Variants in TMEM9 observed in about 807,000 individuals in gnomAD.
TMEM9 encodes the protein transmembrane protein 9.
In TMEM9, 13 loss-of-function variants were observed where a neutral mutation model predicts 22.8. The ratio of observed to expected loss-of-function variants is 0.57; its 90% CI spans 0.37 to 0.91. The LOEUF is 0.91. Among genes scored for constraint, TMEM9 ranks in the 40% least tolerant of loss-of-function variants. The pLI is 0.01. For synonymous variants in TMEM9, 88 were observed against 93.0 expected (o/e 0.95, Z 0.31); for missense variants, 182 against 238.1 (o/e 0.76, Z 1.55).
chr1:201,146,525 G>A (rs1020428887), intron 3 of TMEM9: 1 of 655,906 alleles, frequency 1.5e-6, no homozygotes, highest in Non-Finnish European at 2.8e-6. Flanking sequence ...CCCTCTCACT[G>A]TAATGGTAAC....
chr1:201,152,581 T>C, intron 1 of TMEM9, among the ~76,000 whole-genome samples: 1 of 152,186 alleles, frequency 6.6e-6, no homozygotes, highest in East Asian at 1.9e-4. Flanking sequence ...GGGTCACCCT[T>C]AATAATGGAA....
chr1:201,146,591 C>T, intron 3 of TMEM9, 149 bp downstream of exon 3: 1 of 800,088 alleles, frequency 1.2e-6, no homozygotes, highest in Non-Finnish European at 2.2e-6. Flanking sequence ...GGATGTGGGT[C>T]CCAGTGTCTG....
chr1:201,140,954 C>T (rs1055193471), intron 4 of TMEM9, among the ~76,000 whole-genome samples: 2 of 152,154 alleles, frequency 1.3e-5, no homozygotes, highest in African/African-American at 4.8e-5. Flanking sequence ...TATCCCTCGT[C>T]GTCCAGGACT....
intron 1 of TMEM9, among the ~76,000 whole-genome samples, chr1:201,167,498 G>A (rs1306723735): frequency 6.6e-6 from 1 of 152,186 alleles, no homozygotes. Context: ...CTGTTCTTGG[G>A]TTCTACAACA....
intron 2 of TMEM9, among the ~76,000 whole-genome samples, chr1:201,151,160 T>C (rs1665400985): frequency 6.6e-6 from 1 of 152,212 alleles, no homozygotes; most frequent in Non-Finnish European, 1.5e-5. Context: ...CTCTTTAGGC[T>C]TTCCTTGCTT....
At chr1:201,151,605 C>G (rs1339440298) in intron 2 of TMEM9, among the ~76,000 whole-genome samples, 156 bp downstream of exon 2, 2 of 152,218 alleles carry the variant, frequency 1.3e-5, no homozygotes, top group African/African-American at 4.8e-5. Context: ...CAGTTGACAA[C>G]TATGAAATTG....
chr1:201,160,912 G>A (rs1208365149), intron 1 of TMEM9, among the ~76,000 whole-genome samples: 3 of 151,124 alleles, frequency 2.0e-5, no homozygotes, highest in Non-Finnish European at 3.0e-5. Flanking sequence ...CTCCAGCCTG[G>A]GGGACAGAGT....
rs372690487 is a variant in TMEM9, at chr1:201,147,963, T to C, written c.159-1115A>G. Among the ~76,000 whole-genome samples, 9 of 152,302 alleles carry C rather than the reference T, an allele frequency of 5.9e-5. No individual in the cohort carries two copies. In the South Asian group the frequency reaches 1.7e-3, roughly 28 times the overall value. On this transcript the variant is annotated intron_variant, in intron 2 of 4. Coordinates refer to ENST00000367330, the MANE Select transcript of TMEM9 (RefSeq NM_001288565.2). The stretch of plus-strand genomic sequence containing the variant: ...CCAACCCCCCGCCAATGCACTGCAT[T>C]GTAATCCAATCTTTATTCGTGCTGT...
rs371063752 is a variant in TMEM9, at chr1:201,137,045, T to C, written c.400-1230A>G. Among the ~76,000 whole-genome samples, 27 of 152,312 alleles carry C rather than the reference T, an allele frequency of 1.8e-4. 1 individual carries two copies. Among genetic ancestry groups the C allele is most frequent in the African/African-American group, 6.3e-4 (26 of 41,576 alleles). ...TCCTCTCAGAGCTCTGAGGACTTCA[T>C]CTTGTGAGTGCTCCTCTCTAAGCTG... On this transcript the variant is annotated intron_variant, in intron 4 of 4. Coordinates refer to ENST00000367330, the MANE Select transcript of TMEM9 (RefSeq NM_001288565.2).
At chr1:201,166,949 G>C (rs1246293451) in intron 1 of TMEM9, among the ~76,000 whole-genome samples, 1 of 152,218 alleles carries the variant, frequency 6.6e-6, no homozygotes, top group African/African-American at 2.4e-5. Flanking sequence ...ACTGTAAAGT[G>C]AGAGCACTAA....
intron 2 of TMEM9, among the ~76,000 whole-genome samples, chr1:201,150,392 A>G (rs191943137): frequency 6.6e-6 from 1 of 152,322 alleles, no homozygotes; most frequent in East Asian, 1.9e-4. Context: ...ACATTTATAT[A>G]AGCATTTACT....
At chr1:201,154,477 T>G (rs971540210), upstream of TMEM9, 13 of 154,678 alleles carry the variant, frequency 8.4e-5, no homozygotes, top group African/African-American at 3.2e-4. Flanking sequence ...AAAGACCCAG[T>G]TGTCCCCGCC....
At chr1:201,153,006 C>T (rs903448194) in intron 1 of TMEM9, among the ~76,000 whole-genome samples, 2 of 152,168 alleles carry the variant, frequency 1.3e-5, no homozygotes, top group African/African-American at 4.8e-5. Flanking sequence ...CTTTCTGGTC[C>T]CTCTACTGCT....
intron 1 of TMEM9, among the ~76,000 whole-genome samples, chr1:201,159,638 T>A (rs534851876): frequency 6.6e-6 from 1 of 150,956 alleles, no homozygotes; most frequent in East Asian, 2.0e-4. Context: ...GGTCTCAAAC[T>A]CTTGACCTCA....
chr1:201,150,555 A>C lies in TMEM9; in HGVS notation c.158+1206T>G, dbSNP rs534971587. On this transcript the variant is annotated intron_variant, in intron 2 of 4. Coordinates refer to ENST00000367330, the MANE Select transcript of TMEM9 (RefSeq NM_001288565.2). The stretch of plus-strand genomic sequence containing the variant: ...TGCAGTGGAGATTAAGTAATTTGTC[A>C]CACAATTAACAAGCAGCTAAGCTAA... 8.4e-4 allele frequency among the ~76,000 whole-genome samples: 128 copies of C among 152,340 alleles called. 1 individual carries two copies. The highest frequency in any genetic ancestry group is 2.6e-3 in the African/African-American group (109 of 41,580).
At chr1:201,165,443 C>CTT (rs757893021) in intron 1 of TMEM9, among the ~76,000 whole-genome samples, 10 of 144,110 alleles carry the variant, frequency 6.9e-5, no homozygotes, top group East Asian at 4.0e-4. Flanking sequence ...CTTTTTCTTT[C>CTT]TTTTTTTTTT....
chr1:201,147,720 T>C (rs1421627105), intron 2 of TMEM9, among the ~76,000 whole-genome samples: 1 of 152,174 alleles, frequency 6.6e-6, no homozygotes, highest in African/African-American at 2.4e-5. Context: ...CTAGGGCCAA[T>C]GCTAACTCAA....
intron 1 of TMEM9, among the ~76,000 whole-genome samples, chr1:201,162,603 G>A (rs1359293153): frequency 6.8e-6 from 1 of 147,994 alleles, no homozygotes; most frequent in East Asian, 2.0e-4. Context: ...AAGAATCATA[G>A]ACTTAAATGT....
At chr1:201,141,205 T>C (rs551134456) in intron 4 of TMEM9, among the ~76,000 whole-genome samples, 3 of 152,318 alleles carry the variant, frequency 2.0e-5, no homozygotes, top group African/African-American at 7.2e-5. Context: ...CCACCCGTCT[T>C]ACGAAGCCAG....
Sources: allele counts gnomAD v4.1 joint callset (sites outside exome capture counted in the v4.1 genomes callset), GRCh38; gene constraint gnomAD v4.1.1; transcripts MANE v1.5; gene names NCBI Gene and HGNC (gene_info 2026-07-23, HGNC 2026-07-21).